ARL6IP6: variants seen among roughly 807,000 people sequenced by gnomAD.
ARL6IP6 encodes ADP-ribosylation factor-like protein 6-interacting protein 6.
Under a neutral mutation model 21.5 loss-of-function variants are expected in ARL6IP6, and 22 were observed. The observed-to-expected ratio is 1.02, with a 90% CI of 0.73 to 1.46. The LOEUF (loss-of-function observed/expected upper bound fraction) is 1.46. Ranked by LOEUF, ARL6IP6 falls within the 40% of genes most tolerant of loss-of-function variation. ARL6IP6 has a pLI of 0.00. For synonymous variants in ARL6IP6, 164 were observed against 125.3 expected, an observed-to-expected ratio of 1.31 and a Z score of -2.06; for missense variants, 388 against 299.8, an observed-to-expected ratio of 1.29 and a Z score of -2.17.
chr2:152,717,804 C>T, upstream of ARL6IP6: 2 of 1,160,092 alleles, frequency 1.7e-6, no homozygotes, highest in African/African-American at 3.2e-5. Flanking sequence ...TCACCCTCCC[C>T]GCCCGAGTTA....
chr2:152,733,779 T>C (rs1431641222), intron 2 of ARL6IP6, among the ~76,000 whole-genome samples: 1 of 152,226 alleles, frequency 6.6e-6, no homozygotes, highest in Admixed American at 6.5e-5. Flanking sequence ...AAAATAGTTA[T>C]CACAATATAT....
chr2:152,725,595 A>G (rs765608595), intron 2 of ARL6IP6, among the ~76,000 whole-genome samples: 2 of 152,224 alleles, frequency 1.3e-5, no homozygotes, highest in Non-Finnish European at 2.9e-5. Flanking sequence ...TCGTCAAAAT[A>G]AGCCATGAAA....
Position 152,759,805 on chromosome 2 carries a change from G to A in ARL6IP6, c.646G>A (p.Val216Ile), listed in dbSNP as rs371666118. ...TAGCATGGCGATTTTGAATGGCATC[G>A]TAGCTGCTCTTACTGTAGCATGGTG... ...GYSMAILNGI[V>I]AALTVAWCLM The change falls in exon 4 of 4, where the codon GTA (valine) becomes ATA (isoleucine). Residue 216 changes from valine (V) to isoleucine (I), a missense_variant. Transcript: ENST00000326446. 6.2e-6 allele frequency: 10 copies of A among 1,613,272 alleles called. No homozygotes were observed. Among genetic ancestry groups the A allele is most frequent in the South Asian group, 3.3e-5 (3 of 91,066 alleles).
At chr2:152,724,544 A>C (rs1450205461) in intron 2 of ARL6IP6, among the ~76,000 whole-genome samples, 2 of 152,252 alleles carry the variant, frequency 1.3e-5, no homozygotes, top group Non-Finnish European at 2.9e-5. Flanking sequence ...ATTAGTCATG[A>C]AATTATTACA....
chr2:152,733,711 A>T (rs1374239706), intron 2 of ARL6IP6, among the ~76,000 whole-genome samples: 1 of 152,242 alleles, frequency 6.6e-6, no homozygotes, highest in Non-Finnish European at 1.5e-5. Context: ...AAATATGCTT[A>T]CATTTTCCAT....
chr2:152,718,984 TCTCGCCTTCCTC>T lies in ARL6IP6; in HGVS notation c.367_378del (p.Phe123_Ala126del). On this transcript the variant is annotated inframe_deletion, in exon 1 of 4. Coordinates refer to ENST00000326446, the MANE Select transcript of ARL6IP6 (RefSeq NM_152522.7). Reference sequence around the variant, plus strand: ...TCTGCTCGCTGCTCTTCGCCATTCTTCTCGCCTTCCTCCTCGCCATCGCCTACTTGATCGTTA... The same window carrying T: ...TCTGCTCGCTGCTCTTCGCCATTCTTCTCGCCATCGCCTACTTGATCGTTA... The T allele has an allele frequency of 6.3e-7, 1 of 1,585,878 alleles. No homozygotes were observed.
chr2:152,737,245 T>TCTCC (rs1341620656), intron 3 of ARL6IP6, among the ~76,000 whole-genome samples: 6 of 152,172 alleles, frequency 3.9e-5, no homozygotes, highest in African/African-American at 1.4e-4. Context: ...TGCTGTTCTC[T>TCTCC]CTCCCTGGAT....
intron 3 of ARL6IP6, among the ~76,000 whole-genome samples, chr2:152,755,222 G>A (rs948300544): frequency 2.0e-5 from 3 of 152,202 alleles, no homozygotes; most frequent in African/African-American, 7.2e-5. Context: ...GCGAAGACAC[G>A]CGTTGCCAAG....
chr2:152,744,638 C>G (rs1700965947), intron 3 of ARL6IP6, among the ~76,000 whole-genome samples: 1 of 152,020 alleles, frequency 6.6e-6, no homozygotes, highest in Non-Finnish European at 1.5e-5. Context: ...ATATACAAAT[C>G]AGCGGGTATC....
chr2:152,752,385 T>C (rs1469048935), intron 3 of ARL6IP6, among the ~76,000 whole-genome samples: 1 of 152,192 alleles, frequency 6.6e-6, no homozygotes, highest in Non-Finnish European at 1.5e-5. Flanking sequence ...TCAGCCAGGT[T>C]TGGTCATGCG....
rs202137504 is a variant in ARL6IP6 at position 152,720,494 on chromosome 2, G to A, written c.401-39G>A. ...CCCTTGAGTTACTTTTCAAATTATA[G>A]TATTGCTTTCCTACCTAAGTCCCTC... On this transcript the variant is annotated intron_variant, in intron 1 of 3. Coordinates refer to ENST00000326446, the MANE Select transcript of ARL6IP6 (RefSeq NM_152522.7). The A allele has an allele frequency of 4.9e-5, 78 of 1,592,274 alleles. No individual in the cohort carries two copies. The East Asian group carries it at 1.7e-3, about 34-fold the overall frequency.
In ARL6IP6 at chr2:152,742,524, C is replaced by T. The variant is rs972796536; in HGVS notation, c.587+7398C>T. Among the ~76,000 whole-genome samples, 23 of 146,682 alleles carry T rather than the reference C, an allele frequency of 1.6e-4. 2 individuals carry two copies. The highest frequency in any genetic ancestry group is 1.3e-3 in the Admixed American group (19 of 14,318). ...TGAAGGCTGCAGTGAGCTATTATAT[C>T]GTGCCACTGCATTCCAGCCTCAGTG... is the stretch of plus-strand genomic sequence containing the variant. On this transcript the variant is annotated intron_variant, in intron 3 of 3. Transcript: ENST00000326446.
chr2:152,749,518 C>T (rs748150468), intron 3 of ARL6IP6, among the ~76,000 whole-genome samples: 15 of 152,146 alleles, frequency 9.9e-5, no homozygotes, highest in Non-Finnish European at 2.1e-4. Context: ...AAAATCTCTT[C>T]TGTACCTAAG....
intron 3 of ARL6IP6, among the ~76,000 whole-genome samples, chr2:152,759,158 G>T (rs1443346035): frequency 1.3e-5 from 2 of 152,152 alleles, no homozygotes; most frequent in African/African-American, 2.4e-5. Context: ...TATTAAACTA[G>T]TTGGCACTCC....
At chr2:152,744,662 A>G (rs1379799922) in intron 3 of ARL6IP6, among the ~76,000 whole-genome samples, 1 of 152,104 alleles carries the variant, frequency 6.6e-6, no homozygotes, top group African/African-American at 2.4e-5. Context: ...TACCTTCCTC[A>G]TGCTATCAAT....
chr2:152,717,861 C>T (rs1239671426), upstream of ARL6IP6: 5 of 1,071,336 alleles, frequency 4.7e-6, no homozygotes, highest in Middle Eastern at 4.4e-4. Context: ...GTGGAGGGGG[C>T]GGGGGTAAGC....
At chr2:152,742,851 AG>A (rs1283070335) in intron 3 of ARL6IP6, among the ~76,000 whole-genome samples, 1 of 152,312 alleles carries the variant, frequency 6.6e-6, no homozygotes, top group East Asian at 1.9e-4. Context: ...ATTTTTTAAT[AG>A]ATGAAGAAAC....
chr2:152,731,631 T>C (rs1700316264), intron 2 of ARL6IP6, among the ~76,000 whole-genome samples: 1 of 152,146 alleles, frequency 6.6e-6, no homozygotes, highest in Non-Finnish European at 1.5e-5. Flanking sequence ...TTTTACAAAT[T>C]TACTTAGTTC....
Position 152,718,675 on chromosome 2 carries a change from C to G in ARL6IP6, c.51C>G (p.Pro17=), listed in dbSNP as rs773272946. ...GGTCGGCTCTGCGGCGCCGCGGTCC[C>G]GGCACCCCGGGCCCTGTGGCTCGGC... The part of the protein sequence containing the change: ...GWRSALRRRG[P]GTPGPVARPS... Residue 17 remains proline (P), a synonymous_variant, in exon 1 of 4, where the codon CCC becomes CCG. Transcript: ENST00000326446. 3.8e-6 allele frequency: 6 copies of G among 1,577,396 alleles called. No homozygotes were observed. In the South Asian group the frequency reaches 5.8e-5, roughly 15 times the overall value.
Sources: gnomAD v4.1 joint callset for allele counts (sites outside exome capture counted in the v4.1 genomes callset) on GRCh38, gnomAD v4.1.1 for gene constraint, MANE v1.5 for transcripts, NCBI Gene and HGNC (gene_info 2026-07-23, HGNC 2026-07-21) for gene names.